Variants in GALNTL6 observed in about 807,000 individuals in gnomAD.
GALNTL6 encodes the protein polypeptide N-acetylgalactosaminyltransferase-like 6.
Under a neutral mutation model 73.7 loss-of-function variants are expected in GALNTL6, and 46 were observed. The observed-to-expected ratio is 0.62, with a 90% CI of 0.49 to 0.80. GALNTL6 has a LOEUF of 0.80. Among genes scored for constraint, GALNTL6 ranks in the 30% least tolerant of loss-of-function variants. GALNTL6 has a pLI of 0.00. For missense variants in GALNTL6, 604 were observed against 755.0 expected (o/e 0.80, Z 2.34); for synonymous variants, 259 against 263.7 (o/e 0.98, Z 0.17).
intron 5 of GALNTL6, among the ~76,000 whole-genome samples, chr4:172,475,773 A>T (rs1220358673): frequency 6.6e-6 from 1 of 152,222 alleles, no homozygotes; most frequent in African/African-American, 2.4e-5. Context: ...TTTAGTGAAA[A>T]TCAAAGTGAA....
chr4:172,709,904 A>C (rs754923028), intron 5 of GALNTL6, among the ~76,000 whole-genome samples: 2 of 152,122 alleles, frequency 1.3e-5, no homozygotes, highest in African/African-American at 2.4e-5. Flanking sequence ...AAAACAAATG[A>C]TTGTACCGCA....
At chr4:172,912,110 T>G (rs1747235399) in intron 8 of GALNTL6, among the ~76,000 whole-genome samples, 1 of 152,186 alleles carries the variant, frequency 6.6e-6, no homozygotes, top group Non-Finnish European at 1.5e-5. Flanking sequence ...ACACAAGAGG[T>G]ATTTGTACAG....
intron 10 of GALNTL6, among the ~76,000 whole-genome samples, chr4:172,991,597 G>A (rs566579834): frequency 6.6e-6 from 1 of 151,790 alleles, no homozygotes; most frequent in African/African-American, 2.4e-5. Context: ...TAGTAGAGAC[G>A]GGATTTTGCC....
chr4:172,930,649 T>C (rs1421632748), intron 8 of GALNTL6, among the ~76,000 whole-genome samples: 1 of 152,188 alleles, frequency 6.6e-6, no homozygotes, highest in Non-Finnish European at 1.5e-5. Context: ...ATGTTGTCTA[T>C]GGAAACAGGA....
chr4:172,336,488 G>C (rs1258722669), intron 4 of GALNTL6, among the ~76,000 whole-genome samples: 2 of 150,690 alleles, frequency 1.3e-5, no homozygotes, highest in Non-Finnish European at 3.0e-5. Context: ...TGTTGGTCAG[G>C]CTGGTCTCAA....
At chr4:172,588,519 G>A (rs1579217182) in intron 5 of GALNTL6, among the ~76,000 whole-genome samples, 1 of 150,914 alleles carries the variant, frequency 6.6e-6, no homozygotes, top group South Asian at 2.1e-4. Flanking sequence ...ACCTGAGCCC[G>A]GGGACCCTGT....
At chr4:172,715,169 G>C (rs935281668) in intron 5 of GALNTL6, among the ~76,000 whole-genome samples, 1 of 152,136 alleles carries the variant, frequency 6.6e-6, no homozygotes, top group African/African-American at 2.4e-5. Flanking sequence ...GATTTAGACT[G>C]TCTCTTTTAT....
At chr4:172,911,356 T>C (rs1747191948) in intron 8 of GALNTL6, among the ~76,000 whole-genome samples, 1 of 152,232 alleles carries the variant, frequency 6.6e-6, no homozygotes, top group Admixed American at 6.5e-5. Flanking sequence ...TAAAATATTT[T>C]ATATACCTTC....
chr4:172,932,646 T>C (rs912216505), intron 9 of GALNTL6, among the ~76,000 whole-genome samples: 1 of 152,220 alleles, frequency 6.6e-6, no homozygotes, highest in South Asian at 2.1e-4. Flanking sequence ...TATTCACATA[T>C]ACATAATGAG....
intron 2 of GALNTL6, among the ~76,000 whole-genome samples, chr4:171,879,213 T>C (rs531073209): frequency 2.6e-5 from 4 of 152,324 alleles, no homozygotes; most frequent in African/African-American, 7.2e-5. Flanking sequence ...TATTATCTAA[T>C]TTTTGTCCTT....
chr4:172,802,882 A>G (rs1740733528), intron 5 of GALNTL6, among the ~76,000 whole-genome samples: 1 of 152,090 alleles, frequency 6.6e-6, no homozygotes, highest in African/African-American at 2.4e-5. Flanking sequence ...AAGTAAATTT[A>G]CTGAAGTTCC....
At chr4:172,094,114 T>C (rs959614969) in intron 2 of GALNTL6, among the ~76,000 whole-genome samples, 10 of 152,166 alleles carry the variant, frequency 6.6e-5, no homozygotes, top group African/African-American at 2.4e-4. Flanking sequence ...CTAGTAAAAC[T>C]GAGGAAGCAA....
At chr4:171,998,257 T>C (rs564518294) in intron 2 of GALNTL6, among the ~76,000 whole-genome samples, 1 of 152,262 alleles carries the variant, frequency 6.6e-6, no homozygotes, top group South Asian at 2.1e-4. Flanking sequence ...AGAATGTGTT[T>C]ACATATAAAG....
At chr4:172,093,689 G>A (rs1732271650) in intron 2 of GALNTL6, among the ~76,000 whole-genome samples, 1 of 152,160 alleles carries the variant, frequency 6.6e-6, no homozygotes, top group Non-Finnish European at 1.5e-5. Context: ...TCTCATGGGA[G>A]CATGAAACCT....
chr4:171,972,303 G>A (rs190417038), intron 2 of GALNTL6, among the ~76,000 whole-genome samples: 171 of 151,936 alleles, frequency 1.1e-3, no homozygotes, highest in Non-Finnish European at 1.9e-3. Context: ...TTAACATATG[G>A]CATCTATATG....
At chr4:172,062,294 T>A (rs1219692607) in intron 2 of GALNTL6, among the ~76,000 whole-genome samples, 2 of 152,124 alleles carry the variant, frequency 1.3e-5, no homozygotes, top group Non-Finnish European at 2.9e-5. Context: ...AGAAATTTAA[T>A]AATGTGTTTA....
At chr4:171,993,054 G>C (rs983044481) in intron 2 of GALNTL6, among the ~76,000 whole-genome samples, 1 of 151,344 alleles carries the variant, frequency 6.6e-6, no homozygotes, top group Non-Finnish European at 1.5e-5. Context: ...CCTTGAGATG[G>C]TAATAATCTG....
chr4:172,272,430 T>A (rs1738688250), intron 3 of GALNTL6, among the ~76,000 whole-genome samples: 1 of 152,206 alleles, frequency 6.6e-6, no homozygotes, highest in South Asian at 2.1e-4. Flanking sequence ...GGCCATACAA[T>A]ATACCTATTG....
chr4:172,779,985 C>T (rs552189569), intron 5 of GALNTL6, among the ~76,000 whole-genome samples: 17 of 152,096 alleles, frequency 1.1e-4, no homozygotes, highest in Non-Finnish European at 1.9e-4. Flanking sequence ...TAATGTGCTA[C>T]GCCATTACTT....
Sources: gnomAD v4.1 joint callset for allele counts (sites outside exome capture counted in the v4.1 genomes callset) on GRCh38, gnomAD v4.1.1 for gene constraint, MANE v1.5 for transcripts, NCBI Gene and HGNC (gene_info 2026-07-23, HGNC 2026-07-21) for gene names.